The following LRBA variants were observed in gnomAD, a reference collection of about 807,000 sequenced individuals.
LRBA encodes the protein LPS responsive beige-like anchor protein, also known as lipopolysaccharide-responsive and beige-like anchor protein.
LRBA carries 176 observed loss-of-function variants against 330.0 expected under a neutral mutation model. The ratio of observed to expected loss-of-function variants is 0.53; its 90% CI spans 0.47 to 0.60. LRBA has a LOEUF of 0.60. Ranked by LOEUF, LRBA falls within the 20% of genes least tolerant of loss-of-function variation. LRBA has a pLI of 0.00. For missense variants in LRBA, 3,259 were observed against 3,444.8 expected (o/e 0.95, Z 1.35); for synonymous variants, 1,230 against 1,193.0 (o/e 1.03, Z -0.64).
At chr4:150,371,097 T>C (rs1024736982) in intron 47 of LRBA, among the ~76,000 whole-genome samples, 4 of 151,872 alleles carry the variant, frequency 2.6e-5, no homozygotes, top group African/African-American at 7.3e-5. Context: ...ATATCACGTA[T>C]ATGAACATGT....
chr4:150,723,328 G>A (rs893048147), intron 36 of LRBA, among the ~76,000 whole-genome samples: 2 of 152,214 alleles, frequency 1.3e-5, no homozygotes, highest in Non-Finnish European at 2.9e-5. Context: ...AGAGCAAAGA[G>A]TAAAGAGGAC....
At chr4:150,903,732 A>G (rs970884328) in intron 13 of LRBA, among the ~76,000 whole-genome samples, 14 of 152,206 alleles carry the variant, frequency 9.2e-5, no homozygotes, top group Non-Finnish European at 1.5e-4. Flanking sequence ...CGTCAAAAAA[A>G]TAAGTAAACA....
At chr4:150,413,964 C>CACTTT (rs3032920) in intron 47 of LRBA, among the ~76,000 whole-genome samples, 132,154 of 151,744 alleles carry the variant, frequency 0.87, 58,426 homozygotes, top group Non-Finnish European at 0.96. Flanking sequence ...CTTCATCTCT[C>CACTTT]AATCACAGAA....
At chr4:150,846,964 T>C (rs1325357298) in intron 26 of LRBA, among the ~76,000 whole-genome samples, 1 of 152,192 alleles carries the variant, frequency 6.6e-6, no homozygotes, top group African/African-American at 2.4e-5. Flanking sequence ...TAGTATAGCC[T>C]TGCACTTTTA....
intron 47 of LRBA, among the ~76,000 whole-genome samples, chr4:150,358,268 C>T (rs1192636851): frequency 6.6e-6 from 1 of 152,056 alleles, no homozygotes; most frequent in Non-Finnish European, 1.5e-5. Flanking sequence ...AAATGCAGAG[C>T]TAATATGCTT....
chr4:150,281,007 CAG>C (rs1560956444), intron 55 of LRBA, among the ~76,000 whole-genome samples: 2 of 152,190 alleles, frequency 1.3e-5, no homozygotes, highest in South Asian at 2.1e-4. Context: ...GGCTACAGGG[CAG>C]AGAGGAGAAG....
intron 48 of LRBA, among the ~76,000 whole-genome samples, chr4:150,334,429 A>G (rs1241195181): frequency 6.6e-6 from 1 of 152,170 alleles, no homozygotes; most frequent in African/African-American, 2.4e-5. Context: ...TTTAGTTTTG[A>G]GAATGCAGAC....
intron 17 of LRBA, among the ~76,000 whole-genome samples, chr4:150,879,331 A>G (rs1728110335): frequency 6.6e-6 from 1 of 152,218 alleles, no homozygotes; most frequent in African/African-American, 2.4e-5. Flanking sequence ...TTCATCATAA[A>G]AATCCTCAAG....
chr4:150,585,307 G>A (rs1278183911), intron 40 of LRBA, among the ~76,000 whole-genome samples: 1 of 152,088 alleles, frequency 6.6e-6, no homozygotes. Context: ...TGGCTTAGTT[G>A]TAAATTCCAT....
At chr4:150,812,889 A>G (rs1743966867) in intron 31 of LRBA, among the ~76,000 whole-genome samples, 2 of 152,192 alleles carry the variant, frequency 1.3e-5, no homozygotes, top group Admixed American at 1.3e-4. Flanking sequence ...GAAAAAGAAT[A>G]ATGATATTTT....
intron 38 of LRBA, among the ~76,000 whole-genome samples, chr4:150,597,892 A>G (rs1773684153): frequency 6.6e-6 from 1 of 151,994 alleles, no homozygotes; most frequent in Non-Finnish European, 1.5e-5. Context: ...TCACTTTGTT[A>G]TTGACTATTC....
chr4:151,008,969 CAAAAA>C (rs1216990774), intron 2 of LRBA, among the ~76,000 whole-genome samples: 10 of 1,884 alleles, frequency 5.3e-3, no homozygotes, highest in African/African-American at 6.8e-3. Flanking sequence ...GACTCCATCT[CAAAAA>C]AAAAAAAAAA....
intron 2 of LRBA, among the ~76,000 whole-genome samples, chr4:150,994,721 C>G (rs1742455729): frequency 6.6e-6 from 1 of 152,170 alleles, no homozygotes; most frequent in Admixed American, 6.5e-5. Context: ...GAGGGTCATA[C>G]AGAGAACTGG....
chr4:151,000,039 G>A (rs182453439), intron 2 of LRBA, among the ~76,000 whole-genome samples: 1 of 152,206 alleles, frequency 6.6e-6, no homozygotes, highest in African/African-American at 2.4e-5. Flanking sequence ...CACAGTAAGA[G>A]ATTAACAACA....
At chr4:150,363,262 C>G (rs1478833269) in intron 47 of LRBA, among the ~76,000 whole-genome samples, 2 of 152,168 alleles carry the variant, frequency 1.3e-5, no homozygotes, top group African/African-American at 2.4e-5. Flanking sequence ...CTGGCAAACC[C>G]CTATTCATTC....
At position 150,321,120 on chromosome 4, in the gene LRBA, T is replaced by C. The variant is rs747126157; in HGVS notation, c.7630+71A>G. The C allele has an allele frequency of 7.2e-6, 9 of 1,247,050 alleles. No individual in the cohort carries two copies. The highest frequency in any genetic ancestry group is 1.0e-5 in the Non-Finnish European group (9 of 892,346). 77.2% of individuals were successfully genotyped at this position (1,247,050 alleles called of 1,614,324 possible). On this transcript the variant is annotated intron_variant, in intron 50 of 56. Coordinates refer to ENST00000651943, the MANE Select transcript of LRBA (RefSeq NM_001364905.1). This position sits in a 1 kb window ranked among gnomAD's most constrained non-coding sequence, Gnocchi z 4.5. ...AATTAAAAGCTTAAATGTTGAGATA[T>C]GCTATATTTAAGTGGGTATTACACA...
intron 37 of LRBA, among the ~76,000 whole-genome samples, chr4:150,651,212 AAAT>A (rs1779677485): frequency 6.6e-6 from 1 of 152,176 alleles, no homozygotes; most frequent in Non-Finnish European, 1.5e-5. Flanking sequence ...TACAGTAACT[AAAT>A]ATTTTACTAG....
Position 150,920,431 on chromosome 4 carries a change from C to T in LRBA, c.645+767G>A, listed in dbSNP as rs903060074. Among the ~76,000 whole-genome samples, 3 of 152,106 alleles carry T rather than the reference C, an allele frequency of 2.0e-5. No homozygotes were observed. In the South Asian group the frequency reaches 6.2e-4, roughly 32 times the overall value. Reference sequence around the variant, plus strand: ...AGGCGTGGTCGTGGGCACTTGTAATCGCAGCTACTCAGGAGGCTGAGGCAG... The same window carrying T: ...AGGCGTGGTCGTGGGCACTTGTAATTGCAGCTACTCAGGAGGCTGAGGCAG... On this transcript the variant is annotated intron_variant, in intron 5 of 56. Coordinates refer to ENST00000651943, the MANE Select transcript of LRBA (RefSeq NM_001364905.1).
chr4:150,347,021 G>C (rs963600747), intron 48 of LRBA, among the ~76,000 whole-genome samples: 2 of 152,054 alleles, frequency 1.3e-5, no homozygotes, highest in Non-Finnish European at 2.9e-5. Context: ...ATACACAATG[G>C]AATATTACTC....
Sources: gnomAD v4.1 joint callset for allele counts (sites outside exome capture counted in the v4.1 genomes callset) on GRCh38, gnomAD v4.1.1 for gene constraint, Gnocchi (gnomAD v3.1) non-coding constraint, MANE v1.5 for transcripts, NCBI Gene and HGNC (gene_info 2026-07-23, HGNC 2026-07-21) for gene names.